The following SHOC1 variants were observed in gnomAD, a reference collection of about 807,000 sequenced individuals.
SHOC1 encodes the protein protein shortage in chiasmata 1 ortholog.
SHOC1 carries 136 observed loss-of-function variants against 179.2 expected under a neutral mutation model. The ratio of observed to expected loss-of-function variants is 0.76; its 90% confidence interval spans 0.66 to 0.87. The LOEUF (loss-of-function observed/expected upper bound fraction) is 0.87, where lower values mean the gene tolerates loss of function less well. SHOC1 is among the 40% of genes least tolerant of loss of function. The pLI, the probability that SHOC1 is intolerant of heterozygous loss-of-function variation, is 0.00. For synonymous variants in SHOC1, 489 were observed against 586.6 expected (o/e 0.83, Z 2.41); for missense variants, 1,538 against 1,700.8 (o/e 0.90, Z 1.68).
intron 11 of SHOC1, among the ~76,000 whole-genome samples, chr9:111,738,731 T>C (rs1419010136): frequency 6.6e-6 from 1 of 152,158 alleles, no homozygotes; most frequent in Non-Finnish European, 1.5e-5. Context: ...AGAAGTCACA[T>C]AAAGGATTTA....
At chr9:111,697,744 C>A (rs559457091) in intron 24 of SHOC1, among the ~76,000 whole-genome samples, 6 of 152,268 alleles carry the variant, frequency 3.9e-5, no homozygotes, top group African/African-American at 1.4e-4. Context: ...ATTTCTAGTT[C>A]TAGATCCTAG....
chr9:111,785,388 CAG>C (rs1479722326), intron 3 of SHOC1, among the ~76,000 whole-genome samples: 2 of 135,290 alleles, frequency 1.5e-5, no homozygotes, highest in Non-Finnish European at 3.1e-5. Flanking sequence ...CCACTGAGAG[CAG>C]AGACTACTTC....
chr9:111,765,497 C>T (rs1835313834), intron 5 of SHOC1, among the ~76,000 whole-genome samples: 1 of 149,454 alleles, frequency 6.7e-6, no homozygotes, highest in South Asian at 2.2e-4. Context: ...GGCTGAGGCA[C>T]AAGAATCACT....
chr9:111,768,657 A>G lies in SHOC1; in HGVS notation c.442+7134T>C, dbSNP rs532527668. On this transcript the variant is annotated intron_variant, in intron 5 of 27. Coordinates refer to ENST00000682961, the MANE Select transcript of SHOC1 (RefSeq NM_001378211.1). ...GGGGTAACATGTGTTACATGGGTAA[A>G]TTGCATAAATCTTTGTTTTTTCTAG... Among the ~76,000 whole-genome samples the G allele has an allele frequency of 2.0e-5, 3 of 152,180 alleles. No homozygotes were observed. In the South Asian group the frequency reaches 6.2e-4, roughly 32 times the overall value.
chr9:111,779,786 A>AT (rs1168549062), intron 4 of SHOC1, among the ~76,000 whole-genome samples: 2 of 152,162 alleles, frequency 1.3e-5, no homozygotes, highest in African/African-American at 4.8e-5. Context: ...CAGAATCTGC[A>AT]TTTTAATAAG....
At position 111,722,424 on chromosome 9, in the gene SHOC1, C is replaced by T. The variant is rs1564125232; in HGVS notation, c.2116G>A (p.Asp706Asn). 9 of 1,598,490 alleles carry T rather than the reference C, an allele frequency of 5.6e-6. No homozygotes were observed. Among genetic ancestry groups the T allele is most frequent in the Non-Finnish European group, 7.6e-6 (9 of 1,176,660 alleles). Reference protein sequence around the residue: ...LLKEQEKVVSDAVRQGTIDER... With the variant: ...LLKEQEKVVSNAVRQGTIDER... The stretch of plus-strand genomic sequence containing the variant: ...TTGTACTCACCTTGGCGAACAGCAT[C>T]ACTTACTACTTTTTCTTGTTCCTTT... The change falls in exon 15 of 28, where the codon GAT becomes AAT. Residue 706 changes from aspartate to asparagine, a missense_variant. Transcript: ENST00000682961.
chr9:111,738,193 T>TC, intron 12 of SHOC1, 87 bp downstream of exon 12: 1 of 1,246,276 alleles, frequency 8.0e-7, no homozygotes, highest in South Asian at 1.4e-5. Context: ...CTAGTGATTT[T>TC]CCCAATTACC....
At chr9:111,691,524 G>GT in intron 27 of SHOC1, 27 bp downstream of exon 27, 1 of 1,530,958 alleles carries the variant, frequency 6.5e-7, no homozygotes, top group South Asian at 1.3e-5. Context: ...TTTGAGAGTA[G>GT]TTTTATCAAC....
chr9:111,700,268 T>G (rs1489870104), intron 23 of SHOC1, among the ~76,000 whole-genome samples: 3 of 151,982 alleles, frequency 2.0e-5, no homozygotes, highest in African/African-American at 7.2e-5. Flanking sequence ...GGGATACATG[T>G]GTGTTAGGGG....
chr9:111,718,273 C>T lies in SHOC1; in HGVS notation c.2147G>A (p.Arg716Lys). Reference protein sequence around the residue: ...DAVRQGTIDEREMTFKHAALL... With the variant: ...DAVRQGTIDEKEMTFKHAALL... ...AGCGGCATGCTTGAAAGTCATTTCTCTTTCATCAATTGTACCTAAGTAAGC... is the reference window on the plus strand; with the variant it reads ...AGCGGCATGCTTGAAAGTCATTTCTTTTTCATCAATTGTACCTAAGTAAGC... Residue 716 changes from arginine (R) to lysine (K), a missense_variant, in exon 16 of 28, where the codon AGA (arginine) becomes AAA (lysine). Coordinates refer to ENST00000682961, the MANE Select transcript of SHOC1 (RefSeq NM_001378211.1). 1 of 1,592,842 alleles carries T rather than the reference C, an allele frequency of 6.3e-7. No individual in the cohort carries two copies. Among genetic ancestry groups the T allele is most frequent in the Non-Finnish European group, 8.5e-7 (1 of 1,172,760 alleles).
In SHOC1 at chr9:111,691,531, C is replaced by T. The variant is rs1324271531; in HGVS notation, c.4426+20G>A. 6.5e-7 allele frequency: 1 copy of T among 1,530,564 alleles called. No individual in the cohort carries two copies. Among genetic ancestry groups the T allele is most frequent in the Non-Finnish European group, 8.8e-7 (1 of 1,138,580 alleles). 94.8% of individuals were successfully genotyped at this position (1,530,564 alleles called of 1,614,324 possible). ...AAATTAAATTTGAGAGTAGTTTTATCAACTATTGGATAGTGTTACCTGTTA... is the reference window on the plus strand; with the variant it reads ...AAATTAAATTTGAGAGTAGTTTTATTAACTATTGGATAGTGTTACCTGTTA... On this transcript the variant is annotated intron_variant, in intron 27 of 27. Transcript: ENST00000682961.
At chr9:111,705,477 C>T in intron 20 of SHOC1, 113 bp from the exon 21 acceptor site, 1 of 447,782 alleles carries the variant, frequency 2.2e-6, no homozygotes, top group Non-Finnish European at 4.0e-6. Flanking sequence ...AAATAATATT[C>T]AATGTAAAAA....
At position 111,691,593 on chromosome 9, in the gene SHOC1, G is replaced by C; in HGVS notation, c.4384C>G (p.His1462Asp). 6.2e-7 allele frequency: 1 copy of C among 1,613,456 alleles called. No individual in the cohort carries two copies. The highest frequency in any genetic ancestry group is 1.1e-5 in the South Asian group (1 of 91,034). Residue 1462 changes from histidine to aspartate, a missense_variant, in exon 27 of 28, where the codon CAT becomes GAT. Coordinates refer to ENST00000682961, the MANE Select transcript of SHOC1 (RefSeq NM_001378211.1). ...TCTCCTGAGTTAAATGAAGATTCATGGTGCCTTTTCTGTCCTAAACTTTTT... is the reference window on the plus strand; with the variant it reads ...TCTCCTGAGTTAAATGAAGATTCATCGTGCCTTTTCTGTCCTAAACTTTTT... ...AGKSLGQKRH[H>D]ESSFNSGDKE...
rs755214143 is a variant in SHOC1, at chr9:111,738,410, T to C, written c.1287A>G (p.Lys429=). The C allele has an allele frequency of 6.2e-7, 1 of 1,613,166 alleles. No individual in the cohort carries two copies. Among genetic ancestry groups the C allele is most frequent in the South Asian group, 1.1e-5 (1 of 90,978 alleles). The change falls in exon 12 of 28, where the codon AAA becomes AAG. Residue 429 remains lysine, a synonymous_variant. Transcript: ENST00000682961. ...TCATTTTCAGATTTAGTCCTGCTTGTTTCCACCACTCTGCCTTTTCCAGAT... is the reference window on the plus strand; with the variant it reads ...TCATTTTCAGATTTAGTCCTGCTTGCTTCCACCACTCTGCCTTTTCCAGAT... ...VINLEKAEWW[K]QAGLNLKMME...
intron 9 of SHOC1, among the ~76,000 whole-genome samples, chr9:111,746,806 A>G (rs1834310449): frequency 1.3e-5 from 2 of 152,314 alleles, no homozygotes; most frequent in South Asian, 4.1e-4. Context: ...TTAAATGTCT[A>G]TCTATATAAG....
At chr9:111,756,545 G>C in intron 7 of SHOC1, 67 bp from the exon 8 acceptor site, 9 of 1,436,684 alleles carry the variant, frequency 6.3e-6, no homozygotes, top group Non-Finnish European at 8.5e-6. Flanking sequence ...GAAATCATAA[G>C]TGGACAAAAT....
intron 27 of SHOC1, among the ~76,000 whole-genome samples, chr9:111,687,708 C>G (rs963402486): frequency 7.2e-5 from 11 of 151,886 alleles, no homozygotes; most frequent in Non-Finnish European, 1.3e-4. Context: ...TTGTATCCAT[C>G]TTTGTGGTGA....
rs116073160 is a variant in SHOC1, at chr9:111,759,873, T to C, written c.443-1025A>G. ...CTAACTTGATATGCCTTAAGAGAACTTGTGGTATGAACTAGCTTCCTAAAA... is the reference window on the plus strand; with the variant it reads ...CTAACTTGATATGCCTTAAGAGAACCTGTGGTATGAACTAGCTTCCTAAAA... On this transcript the variant is annotated intron_variant, in intron 5 of 27. Transcript: ENST00000682961. Among the ~76,000 whole-genome samples, 1,137 of 152,308 alleles carry C rather than the reference T, an allele frequency of 7.5e-3. 14 individuals carry two copies. The highest frequency in any genetic ancestry group is 0.026 in the African/African-American group (1,093 of 41,558).
At chr9:111,719,736 T>C (rs1424688302) in intron 15 of SHOC1, among the ~76,000 whole-genome samples, 1 of 152,162 alleles carries the variant, frequency 6.6e-6, no homozygotes, top group African/African-American at 2.4e-5. Flanking sequence ...TCCTCTCAGA[T>C]CAGGTATTCT....
Sources: allele counts gnomAD v4.1 joint callset (sites outside exome capture counted in the v4.1 genomes callset), GRCh38; gene constraint gnomAD v4.1.1; transcripts MANE v1.5; gene names NCBI Gene and HGNC (gene_info 2026-07-23, HGNC 2026-07-21).